The following TMEM229B variants were observed in gnomAD, a reference collection of about 807,000 sequenced individuals.
TMEM229B encodes the protein chromosome 14 open reading frame 83.
A neutral mutation model predicts 13.7 loss-of-function variants in TMEM229B; 6 were observed. That is an observed-to-expected ratio of 0.44 (90% CI 0.24 to 0.86). The LOEUF is 0.86. TMEM229B is among the 40% of genes least tolerant of loss of function. The pLI is 0.23. For missense variants in TMEM229B, 170 were observed against 236.0 expected, an observed-to-expected ratio of 0.72 and a Z score of 1.83; for synonymous variants, 107 against 102.1, an observed-to-expected ratio of 1.05 and a Z score of -0.29.
upstream of TMEM229B, among the ~76,000 whole-genome samples, chr14:67,517,657 C>T (rs1411442058): frequency 6.6e-6 from 1 of 152,156 alleles, no homozygotes; most frequent in African/African-American, 2.4e-5. Context: ...ACTCCATGAC[C>T]TGGGTTTTCC....
intron 2 of TMEM229B, among the ~76,000 whole-genome samples, chr14:67,478,214 G>A (rs913826550): frequency 6.6e-6 from 1 of 152,174 alleles, no homozygotes. Context: ...TTCTTCTCAT[G>A]GCAAGGGCAG....
intron 1 of TMEM229B, among the ~76,000 whole-genome samples, chr14:67,520,843 C>T (rs944559272): frequency 3.3e-5 from 5 of 152,230 alleles, no homozygotes; most frequent in African/African-American, 1.2e-4. Context: ...GAGCACAATT[C>T]CTGGATTGTG....
upstream of TMEM229B, among the ~76,000 whole-genome samples, chr14:67,517,929 G>C (rs1469079589): frequency 6.6e-6 from 1 of 152,138 alleles, no homozygotes; most frequent in African/African-American, 2.4e-5. Flanking sequence ...TAAGATCAGG[G>C]GTGCACAGGG....
At chr14:67,527,145 T>G (rs1374760516) in intron 1 of TMEM229B, among the ~76,000 whole-genome samples, 1 of 152,072 alleles carries the variant, frequency 6.6e-6, no homozygotes, top group Non-Finnish European at 1.5e-5. Context: ...AACCCACACA[T>G]CCCTGAGCAG....
exon 1 of TMEM229B, chr14:67,515,092 G>T (rs1334884418): frequency 6.6e-6 from 1 of 152,310 alleles, no homozygotes; most frequent in African/African-American, 2.4e-5. Flanking sequence ...CTACCGGTGC[G>T]GGGCCGGGGC....
At position 67,472,849 on chromosome 14, in the gene TMEM229B, G is replaced by A. The variant is rs566550054; in HGVS notation, c.*571C>T. 6.3e-6 allele frequency: 1 copy of A among 159,212 alleles called. No individual in the cohort carries two copies. Among genetic ancestry groups the A allele is most frequent in the South Asian group, 1.9e-4 (1 of 5,314 alleles). 9.9% of individuals were successfully genotyped at this position (159,212 alleles called of 1,614,324 possible). On this transcript the variant is annotated 3_prime_UTR_variant, in exon 3 of 3. Transcript: ENST00000554480. ...CCAAGGGAGCAGCGCAGGGCCCTGG[G>A]GGAGGGGAGAGGAGCCAAGGGAGGG...
chr14:67,519,022 C>G (rs907560969), upstream of TMEM229B, among the ~76,000 whole-genome samples: 26 of 152,162 alleles, frequency 1.7e-4, no homozygotes, highest in African/African-American at 6.3e-4. Context: ...TTTGGATCAG[C>G]TTTACAGGAA....
chr14:67,500,762 G>A (rs1318483340), intron 1 of TMEM229B, among the ~76,000 whole-genome samples: 7 of 151,400 alleles, frequency 4.6e-5, no homozygotes, highest in East Asian at 2.0e-4. Context: ...TACTAGAGAC[G>A]GGGTTTCACC....
intron 1 of TMEM229B, among the ~76,000 whole-genome samples, chr14:67,501,762 C>T (rs1219895658): frequency 2.0e-5 from 3 of 152,142 alleles, no homozygotes; most frequent in Non-Finnish European, 4.4e-5. Context: ...ATTCAGAATT[C>T]TAAAGATTTT....
rs773260552 is a variant in TMEM229B, at chr14:67,473,900, C to A, written c.24G>T (p.Thr8=). The A allele has an allele frequency of 3.1e-6, 5 of 1,607,660 alleles. No homozygotes were observed. Among genetic ancestry groups the A allele is most frequent in the Admixed American group, 1.7e-5 (1 of 59,328 alleles). The change falls in exon 3 of 3, where the codon ACG becomes ACT. Residue 8 remains threonine (T), a synonymous_variant. Transcript: ENST00000554480. The surrounding 1 kb of genome is among the most constrained non-coding windows in gnomAD (Gnocchi z 6.5). The stretch of plus-strand genomic sequence containing the variant: ...CATACAGGTACCAGCGGGACAGCGC[C>A]GTCAGGGGCTCGGCAGACGCCATGG... MASAEPL[T]ALSRWYLYAI...
chr14:67,523,240 C>T (rs955168631), intron 1 of TMEM229B, among the ~76,000 whole-genome samples: 2 of 151,432 alleles, frequency 1.3e-5, no homozygotes, highest in Non-Finnish European at 2.9e-5. Flanking sequence ...GGGAGAATTG[C>T]TTGAATCCAG....
At chr14:67,496,391 G>GTTTTTT (rs555715850) in intron 1 of TMEM229B, among the ~76,000 whole-genome samples, 2,318 of 30,112 alleles carry the variant, frequency 0.077, 967 homozygotes, top group South Asian at 0.13. Flanking sequence ...CTGCTCCGGC[G>GTTTTTT]TTTTTTTTTT....
chr14:67,485,049 C>T (rs891437208), intron 2 of TMEM229B, among the ~76,000 whole-genome samples: 6 of 152,128 alleles, frequency 3.9e-5, no homozygotes, highest in Admixed American at 6.5e-5. Flanking sequence ...GATGATATAA[C>T]GAGAATTACC....
intron 1 of TMEM229B, among the ~76,000 whole-genome samples, chr14:67,524,857 C>G (rs550224484): frequency 6.6e-6 from 1 of 152,288 alleles, no homozygotes; most frequent in African/African-American, 2.4e-5. Context: ...CCAACTCCCC[C>G]AGGTCCCCAT....
upstream of TMEM229B, among the ~76,000 whole-genome samples, chr14:67,489,936 T>G (rs561174000): frequency 5.0e-4 from 76 of 151,102 alleles, no homozygotes; most frequent in Non-Finnish European, 9.4e-4. Flanking sequence ...CTTGCAGTGA[T>G]CTGAGACCAC....
rs573735410 is a variant in TMEM229B at position 67,482,814 on chromosome 14, G to A, written c.-19+4186C>T. 3.1e-4 allele frequency among the ~76,000 whole-genome samples: 47 copies of A among 152,310 alleles called. 3 individuals carry two copies. The highest frequency in any genetic ancestry group is 2.8e-3 in the Admixed American group (43 of 15,292). On this transcript the variant is annotated intron_variant, in intron 2 of 2. Transcript: ENST00000554480. ...TGCTGCAGACTTCCACCCTCTTGCT[G>A]TGGGTGCCCCCCAAGGAAAGCCCCT...
intron 2 of TMEM229B, among the ~76,000 whole-genome samples, chr14:67,481,238 G>A (rs764724533): frequency 5.9e-5 from 9 of 152,192 alleles, no homozygotes; most frequent in Non-Finnish European, 1.2e-4. Context: ...AGCTATGATT[G>A]TGCCACTGCA....
In TMEM229B at chr14:67,496,251, A is replaced by G. The variant is rs181771463; in HGVS notation, c.-191-9079T>C. ...ATTTATTTTGAGACCAGGTTATGAG[A>G]CTGGCTAATTTTTGTATTTTTGGTA... On this transcript the variant is annotated intron_variant, in intron 1 of 2. Transcript: ENST00000357461. Among the ~76,000 whole-genome samples the G allele has an allele frequency of 2.0e-5, 3 of 151,900 alleles. No individual in the cohort carries two copies. The East Asian group carries it at 5.8e-4, about 29-fold the overall frequency.
chr14:67,504,068 C>T (rs1350849982), intron 1 of TMEM229B, among the ~76,000 whole-genome samples: 2 of 151,514 alleles, frequency 1.3e-5, no homozygotes, highest in African/African-American at 2.4e-5. Flanking sequence ...GGCTGGAGTG[C>T]AGTCGTGCGA....
Sources: gnomAD v4.1 joint callset for allele counts (sites outside exome capture counted in the v4.1 genomes callset) on GRCh38, gnomAD v4.1.1 for gene constraint, Gnocchi (gnomAD v3.1) non-coding constraint, MANE v1.5 for transcripts, NCBI Gene and HGNC (gene_info 2026-07-23, HGNC 2026-07-21) for gene names.